Variants in C11orf52 observed in about 807,000 individuals in gnomAD.
The protein encoded by C11orf52 is uncharacterized protein C11orf52.
In C11orf52, 9 loss-of-function variants were observed where a neutral mutation model predicts 11.7. That is an observed-to-expected ratio of 0.77 (90% confidence interval 0.46 to 1.34). The LOEUF is 1.34. Ranked by LOEUF, C11orf52 falls within the 40% of genes most tolerant of loss-of-function variation. The pLI is 0.00. For synonymous variants in C11orf52, 49 were observed against 57.4 expected (o/e 0.85, Z 0.66); for missense variants, 139 against 154.8 (o/e 0.90, Z 0.54).
chr11:111,921,757 A>T (rs1965703059), intron 1 of C11orf52, among the ~76,000 whole-genome samples: 1 of 152,226 alleles, frequency 6.6e-6, no homozygotes, highest in Admixed American at 6.5e-5. Context: ...TATGCTAGGA[A>T]CCATGCTAAG....
intron 1 of C11orf52, 71 bp downstream of exon 1, chr11:111,919,075 G>A (rs1555166311): frequency 1.3e-6 from 2 of 1,563,090 alleles, no homozygotes; most frequent in African/African-American, 2.7e-5. Context: ...GAAAATCAGA[G>A]GACCTGGAGA....
At chr11:111,920,328 G>A (rs587693723) in intron 1 of C11orf52, among the ~76,000 whole-genome samples, 107 of 152,172 alleles carry the variant, frequency 7.0e-4, no homozygotes, top group Non-Finnish European at 7.1e-4. Context: ...TTGAGGCCAG[G>A]AGTTCAAGAC....
At position 111,926,106 on chromosome 11, in the gene C11orf52, A is replaced by T; in HGVS notation, c.279A>T (p.Lys93Asn). 6.2e-7 allele frequency: 1 copy of T among 1,614,206 alleles called. No individual in the cohort carries two copies. The highest frequency in any genetic ancestry group is 8.5e-7 in the Non-Finnish European group (1 of 1,180,032). The change falls in exon 4 of 4, where the codon AAA becomes AAT. Residue 93 changes from lysine (K) to asparagine (N), a missense_variant. Physicochemically the swap from Lys to Asn is moderately conservative, Grantham distance 94. Transcript: ENST00000278601. The part of the protein sequence containing the change: ...VCSRPHAREV[K>N]HVHLENATEY... ...GCCGTCCCCATGCCCGGGAAGTGAA[A>T]CACGTGCATTTAGAAAACGCTACAG... is the stretch of plus-strand genomic sequence containing the variant.
intron 1 of C11orf52, among the ~76,000 whole-genome samples, chr11:111,919,451 A>G (rs1965652990): frequency 6.6e-6 from 1 of 152,038 alleles, no homozygotes; most frequent in Non-Finnish European, 1.5e-5. Flanking sequence ...CCAGCCTGGC[A>G]ACAGAGCGAG....
Position 111,926,343 on chromosome 11 carries a change from T to A in C11orf52, c.*144T>A. 1.6e-6 allele frequency: 2 copies of A among 1,240,434 alleles called. No homozygotes were observed. Among genetic ancestry groups the A allele is most frequent in the Non-Finnish European group, 2.2e-6 (2 of 903,846 alleles). 76.8% of individuals were successfully genotyped at this position (1,240,434 alleles called of 1,614,324 possible). On this transcript the variant is annotated 3_prime_UTR_variant, in exon 4 of 4. Coordinates refer to ENST00000278601, the MANE Select transcript of C11orf52 (RefSeq NM_080659.3). The stretch of plus-strand genomic sequence containing the variant: ...TCCAAAGCCCCTGGAATTGTGGGCG[T>A]CCCATTTTCTCCCCTGGCCTCTTAC...
chr11:111,926,541 C>T lies in C11orf52; in HGVS notation c.*342C>T, dbSNP rs1383232880. ...AGCAGGTAAAAAGTTAGCCCATAAG[C>T]ACGTGGGCTGATCTTGTTGGACTTT... On this transcript the variant is annotated 3_prime_UTR_variant, in exon 4 of 4. Coordinates refer to ENST00000278601, the MANE Select transcript of C11orf52 (RefSeq NM_080659.3). The T allele has an allele frequency of 2.2e-5, 7 of 322,666 alleles. No individual in the cohort carries two copies. Among genetic ancestry groups the T allele is most frequent in the African/African-American group, 1.0e-4 (5 of 47,860 alleles). The allele number at this position is 322,666 out of a possible 1,614,324, so 20.0% of individuals were successfully genotyped here.
chr11:111,924,725 T>G (rs1555166788), intron 2 of C11orf52, among the ~76,000 whole-genome samples: 1 of 152,200 alleles, frequency 6.6e-6, no homozygotes, highest in Non-Finnish European at 1.5e-5. Context: ...AGAGATAAAT[T>G]CATATAAACA....
intron 3 of C11orf52, 120 bp from the exon 4 acceptor site, chr11:111,925,838 CCT>C (rs1411807812): frequency 1.9e-6 from 3 of 1,566,278 alleles, no homozygotes; most frequent in African/African-American, 1.4e-5. Flanking sequence ...TGTCTGTCCT[CCT>C]CTGTCTGTCC....
At chr11:111,923,059 C>T (rs1215774669) in intron 1 of C11orf52, among the ~76,000 whole-genome samples, 2 of 152,120 alleles carry the variant, frequency 1.3e-5, no homozygotes, top group Non-Finnish European at 2.9e-5. Flanking sequence ...TAGCCCTAGT[C>T]TATGTATTTT....
intron 1 of C11orf52, chr11:111,919,345 C>A (rs587627206): frequency 2.0e-4 from 48 of 242,336 alleles, no homozygotes; most frequent in Non-Finnish European, 3.2e-4. Context: ...TGGTGGCGCG[C>A]ACCTGTAGTC....
chr11:111,920,176 C>T (rs1465032828), intron 1 of C11orf52, among the ~76,000 whole-genome samples: 1 of 151,894 alleles, frequency 6.6e-6, no homozygotes, highest in Non-Finnish European at 1.5e-5. Context: ...CCCTGGGTGA[C>T]AGAGCAAGAC....
chr11:111,926,323 A>C lies in C11orf52; in HGVS notation c.*124A>C. On this transcript the variant is annotated 3_prime_UTR_variant, in exon 4 of 4. Transcript: ENST00000278601. ...ACGTTTTAAGCTTAAAGAACTCCAA[A>C]GCCCCTGGAATTGTGGGCGTCCCAT... The C allele has an allele frequency of 7.0e-7, 1 of 1,434,478 alleles. No individual in the cohort carries two copies. The highest frequency in any genetic ancestry group is 2.3e-5 in the East Asian group (1 of 43,554). 88.9% of individuals were successfully genotyped at this position (1,434,478 alleles called of 1,614,324 possible). A position where few individuals can be genotyped will look rare whatever the true frequency, so the allele number is the denominator to read the frequency against.
intron 1 of C11orf52, among the ~76,000 whole-genome samples, chr11:111,921,899 C>A (rs1555166597): frequency 1.3e-5 from 2 of 151,840 alleles, no homozygotes; most frequent in African/African-American, 4.8e-5. Context: ...GTGGCACAAT[C>A]TTGGCTCGCT....
chr11:111,923,923 A>G (rs587703892), intron 1 of C11orf52, among the ~76,000 whole-genome samples: 1 of 152,294 alleles, frequency 6.6e-6, no homozygotes, highest in South Asian at 2.1e-4. Context: ...ACCCCAGGAA[A>G]AAAAAAAGCA....
In C11orf52 at chr11:111,925,657, C is replaced by T; in HGVS notation, c.75C>T (p.Ser25=). ...AGTTGGATTTCTTCCCCTCAGGAAG[C>T]CAAACAAGACGGACACTGAAGCCGC... ...STFQKKKKTG[S]QTRRTLKPQP... The change falls in exon 3 of 4, where the codon AGC becomes AGT. Residue 25 remains serine, a synonymous_variant. Transcript: ENST00000278601. 1 of 1,614,172 alleles carries T rather than the reference C, an allele frequency of 6.2e-7. No homozygotes were observed. The highest frequency in any genetic ancestry group is 8.5e-7 in the Non-Finnish European group (1 of 1,180,010).
chr11:111,925,392 C>CA (rs1392458324), intron 2 of C11orf52, among the ~76,000 whole-genome samples: 1 of 138,840 alleles, frequency 7.2e-6, no homozygotes, highest in Non-Finnish European at 1.5e-5. Flanking sequence ...GCCTGGCACA[C>CA]AATGGGTTCT....
intron 1 of C11orf52, among the ~76,000 whole-genome samples, chr11:111,920,816 T>G (rs587614277): frequency 4.7e-4 from 72 of 152,270 alleles, no homozygotes; most frequent in African/African-American, 1.6e-3. Flanking sequence ...AGAATATCCA[T>G]GGAATATCTG....
Position 111,926,126 on chromosome 11 carries a change from C to G in C11orf52, c.299C>G (p.Ala100Gly), listed in dbSNP as rs1555166960. ...REVKHVHLEN[A>G]TEYATLRFPQ... ...GTGAAACACGTGCATTTAGAAAACG[C>G]TACAGAGTATGCGACCCTTCGCTTC... The change falls in exon 4 of 4, where the codon GCT becomes GGT. Residue 100 changes from alanine (A) to glycine (G), a missense_variant. Coordinates refer to ENST00000278601, the MANE Select transcript of C11orf52 (RefSeq NM_080659.3). 6.2e-7 allele frequency: 1 copy of G among 1,614,260 alleles called. No homozygotes were observed. The highest frequency in any genetic ancestry group is 1.7e-5 in the Admixed American group (1 of 60,036).
Position 111,926,308 on chromosome 11 carries a change from C to A in C11orf52, c.*109C>A, listed in dbSNP as rs1965808476. On this transcript the variant is annotated 3_prime_UTR_variant, in exon 4 of 4. Coordinates refer to ENST00000278601, the MANE Select transcript of C11orf52 (RefSeq NM_080659.3). ...CCAGGGATGTTGTCCACGTTTTAAG[C>A]TTAAAGAACTCCAAAGCCCCTGGAA... 6.0e-6 allele frequency: 9 copies of A among 1,492,302 alleles called. No individual in the cohort carries two copies. The highest frequency in any genetic ancestry group is 8.1e-6 in the Non-Finnish European group (9 of 1,106,868). 92.4% of individuals were successfully genotyped at this position (1,492,302 alleles called of 1,614,324 possible). A position where few individuals can be genotyped will look rare whatever the true frequency, so the allele number is the denominator to read the frequency against.
Sources: gnomAD v4.1 joint callset for allele counts (sites outside exome capture counted in the v4.1 genomes callset) on GRCh38, gnomAD v4.1.1 for gene constraint, MANE v1.5 for transcripts, NCBI Gene and HGNC (gene_info 2026-07-23, HGNC 2026-07-21) for gene names.